CORO2B: variants seen among roughly 807,000 people sequenced by gnomAD.
CORO2B encodes the protein coronin 2B, also known as coronin-2B.
Under a neutral mutation model 58.8 loss-of-function variants are expected in CORO2B, and 26 were observed. That is an observed-to-expected ratio of 0.44 (90% CI 0.32 to 0.61). CORO2B has a LOEUF of 0.61. CORO2B is among the 20% of genes least tolerant of loss of function. The probability of loss-of-function intolerance (pLI) is 0.04; values close to 1 mark genes in which losing one functional copy is unlikely to be tolerated. For synonymous variants in CORO2B, 242 were observed against 253.8 expected, an observed-to-expected ratio of 0.95 and a Z score of 0.44; for missense variants, 460 against 645.1, an observed-to-expected ratio of 0.71 and a Z score of 3.11.
At chr15:68,668,151 A>C (rs144333758) in intron 2 of CORO2B, among the ~76,000 whole-genome samples, 79 of 152,368 alleles carry the variant, frequency 5.2e-4, no homozygotes, top group Middle Eastern at 3.4e-3. Flanking sequence ...GGAATAAAAT[A>C]GAGTGATGCT....
Position 68,620,452 on chromosome 15 carries a change from C to T in CORO2B, c.16-24708C>T, listed in dbSNP as rs2140251402. On this transcript the variant is annotated intron_variant, in intron 1 of 11. Transcript: ENST00000261861. Reference sequence around the variant, plus strand: ...GGAAAACACTGATTCCATTCAACCTCTTGTTTGACAAATGACTAAACTGAG... The same window carrying T: ...GGAAAACACTGATTCCATTCAACCTTTTGTTTGACAAATGACTAAACTGAG... Among the ~76,000 whole-genome samples the T allele has an allele frequency of 1.3e-5, 2 of 152,322 alleles. 1 individual carries two copies. The highest frequency in any genetic ancestry group is 4.1e-4 in the South Asian group (2 of 4,828).
intron 3 of CORO2B, among the ~76,000 whole-genome samples, chr15:68,707,625 G>A (rs1364431298): frequency 6.6e-6 from 1 of 152,186 alleles, no homozygotes; most frequent in Non-Finnish European, 1.5e-5. Context: ...AGAAAAGCAA[G>A]TTGAAAAAGA....
intron 1 of CORO2B, among the ~76,000 whole-genome samples, chr15:68,599,536 C>T (rs1274354628): frequency 6.6e-6 from 1 of 152,192 alleles, no homozygotes; most frequent in African/African-American, 2.4e-5. Context: ...ATAAAGCCAC[C>T]CAACTCTGTC....
At chr15:68,629,613 G>A (rs190980066) in intron 1 of CORO2B, among the ~76,000 whole-genome samples, 265 of 152,292 alleles carry the variant, frequency 1.7e-3, no homozygotes, top group Non-Finnish European at 3.1e-3. Context: ...GCAGGGAAAG[G>A]CTATGCACTG....
At chr15:68,674,220 G>A (rs1902497561) in intron 2 of CORO2B, among the ~76,000 whole-genome samples, 1 of 152,184 alleles carries the variant, frequency 6.6e-6, no homozygotes. Flanking sequence ...TTCCTGCTTG[G>A]CCACGATGCT....
the CORO2B span, chr15:68,559,662 G>T: frequency 1.0e-6 from 1 of 984,628 alleles, no homozygotes; most frequent in South Asian, 4.7e-5. The surrounding 1 kb of genome is among the most constrained non-coding windows in gnomAD (Gnocchi z 4.3). Flanking sequence ...CCCTGTCTGG[G>T]CCTCCGTTTC....
chr15:68,582,639 A>C (rs1899456032), intron 1 of CORO2B, among the ~76,000 whole-genome samples: 1 of 152,254 alleles, frequency 6.6e-6, no homozygotes, highest in African/African-American at 2.4e-5. Context: ...GACAAGGTAC[A>C]TTAATAGAGT....
intron 1 of CORO2B, among the ~76,000 whole-genome samples, chr15:68,596,023 G>A (rs1899821437): frequency 2.0e-5 from 3 of 152,058 alleles, no homozygotes; most frequent in South Asian, 2.1e-4. Flanking sequence ...GTGGAGGGTC[G>A]GGGGCTGGGA....
Position 68,713,083 on chromosome 15 carries a change from TA to T in CORO2B, c.649-841del, listed in dbSNP as rs556990628. ...CCTGATGCCGAGGACTGTTGTGTGT[TA>T]GGAGGAAATCAAGTGTCACGAGCCA... On this transcript the variant is annotated intron_variant, in intron 5 of 11. Transcript: ENST00000261861. Among the ~76,000 whole-genome samples, 11 of 152,170 alleles carry T rather than the reference TA, an allele frequency of 7.2e-5. No individual in the cohort carries two copies. In the East Asian group the frequency reaches 1.7e-3, roughly 24 times the overall value.
chr15:68,650,566 C>T lies in CORO2B; in HGVS notation c.216+5206C>T, dbSNP rs543221167. ...GCCGGAAGTTGTAGTGAGCCGAAAT[C>T]GCGCAACTGCACTCCAGCTTGGCGA... On this transcript the variant is annotated intron_variant, in intron 2 of 11. Coordinates refer to ENST00000261861, the MANE Select transcript of CORO2B (RefSeq NM_006091.5). Among the ~76,000 whole-genome samples, 15 of 152,216 alleles carry T rather than the reference C, an allele frequency of 9.9e-5. No homozygotes were observed. The East Asian group carries it at 2.7e-3, about 27-fold the overall frequency.
intron 2 of CORO2B, among the ~76,000 whole-genome samples, chr15:68,654,284 G>C (rs1901733631): frequency 6.6e-6 from 1 of 152,232 alleles, no homozygotes; most frequent in Admixed American, 6.5e-5. Context: ...AGTCCAGGGG[G>C]CCAGAGATGC....
At position 68,645,559 on chromosome 15, in the gene CORO2B, T is replaced by C. The variant is rs1210029364; in HGVS notation, c.216+199T>C. ...GTGCAGGACCTGGATCCAGGAGACC[T>C]GAGATCTCTTTCCAGAGCTTGCCTA... On this transcript the variant is annotated intron_variant, in intron 2 of 11. Transcript: ENST00000261861. This position sits in a 1 kb window ranked among gnomAD's most constrained non-coding sequence, Gnocchi z 4.5. Among the ~76,000 whole-genome samples the C allele has an allele frequency of 6.6e-6, 1 of 152,160 alleles. No homozygotes were observed. The highest frequency in any genetic ancestry group is 1.5e-5 in the Non-Finnish European group (1 of 68,026).
chr15:68,527,578 A>G, the CORO2B span, among the ~76,000 whole-genome samples: 2 of 152,180 alleles, frequency 1.3e-5, no homozygotes, highest in African/African-American at 4.8e-5. Context: ...TAGCTTTGTA[A>G]TAAGTTCGAA....
chr15:68,563,325 A>C, the CORO2B span, among the ~76,000 whole-genome samples: 1 of 151,322 alleles, frequency 6.6e-6, no homozygotes, highest in Non-Finnish European at 1.5e-5. Context: ...ACATCCCTAC[A>C]AAAAAAACAC....
intron 1 of CORO2B, among the ~76,000 whole-genome samples, chr15:68,585,651 C>T (rs567537092): frequency 6.6e-6 from 1 of 152,346 alleles, no homozygotes; most frequent in African/African-American, 2.4e-5. Flanking sequence ...ACCAACCCCC[C>T]ACCTACAACA....
intron 2 of CORO2B, among the ~76,000 whole-genome samples, chr15:68,690,299 C>CA (rs956448793): frequency 6.6e-6 from 1 of 152,202 alleles, no homozygotes; most frequent in Admixed American, 6.5e-5. Flanking sequence ...CCTAGAGCCA[C>CA]AATCCCTGTC....
At chr15:68,575,342 C>CT (rs147492952), upstream of CORO2B, among the ~76,000 whole-genome samples, 1,381 of 143,392 alleles carry the variant, frequency 9.6e-3, 34 homozygotes, top group African/African-American at 0.03. Flanking sequence ...ACACCTTTTT[C>CT]TTTTTTTTTT....
chr15:68,724,529 T>C (rs979924216), intron 11 of CORO2B, among the ~76,000 whole-genome samples: 3 of 152,226 alleles, frequency 2.0e-5, no homozygotes, highest in Non-Finnish European at 4.4e-5. Flanking sequence ...CACACAGTCA[T>C]GCAGCCACCA....
chr15:68,520,010 T>TCATTTCTC, the CORO2B span, among the ~76,000 whole-genome samples: 1 of 152,260 alleles, frequency 6.6e-6, no homozygotes, highest in Admixed American at 6.5e-5. Context: ...TTCTCATTTC[T>TCATTTCTC]GTTGTGATTT....
Sources: gnomAD v4.1 joint callset for allele counts (sites outside exome capture counted in the v4.1 genomes callset) on GRCh38, gnomAD v4.1.1 for gene constraint, Gnocchi (gnomAD v3.1) non-coding constraint, MANE v1.5 for transcripts, NCBI Gene and HGNC (gene_info 2026-07-23, HGNC 2026-07-21) for gene names.